Variants in NDUFAF4 observed in about 807,000 individuals in gnomAD.
NDUFAF4 encodes the protein NADH dehydrogenase [ubiquinone] 1 alpha subcomplex assembly factor 4.
A neutral mutation model predicts 15.6 loss-of-function variants in NDUFAF4; 10 were observed. That is an observed-to-expected ratio of 0.64 (90% CI 0.40 to 1.09). The LOEUF (loss-of-function observed/expected upper bound fraction) is 1.09, where lower values mean the gene tolerates loss of function less well. NDUFAF4 is among the 50% of genes least tolerant of loss of function. NDUFAF4 has a pLI of 0.01. For synonymous variants in NDUFAF4, 77 were observed against 73.3 expected (o/e 1.05, Z -0.26); for missense variants, 203 against 207.3 (o/e 0.98, Z 0.13).
At chr6:96,894,622 G>A (rs1775350212) in intron 2 of NDUFAF4, among the ~76,000 whole-genome samples, 1 of 152,080 alleles carries the variant, frequency 6.6e-6, no homozygotes, top group Non-Finnish European at 1.5e-5. Flanking sequence ...TCAGTACTAC[G>A]CTCAGTTTCA....
intron 2 of NDUFAF4, among the ~76,000 whole-genome samples, chr6:96,892,740 T>C (rs557049058): frequency 1.3e-5 from 2 of 151,988 alleles, no homozygotes; most frequent in African/African-American, 4.8e-5. Flanking sequence ...TCCTTCGGGG[T>C]TTTATTCATG....
In NDUFAF4 at chr6:96,894,264, C is replaced by A. The variant is rs192626983; in HGVS notation, c.240+2480G>T. ...GTCCAGTGTATCCATGCTGTACAGGCTACCTGCCTGTTAGTCACTTAGTAG... is the reference window on the plus strand; with the variant it reads ...GTCCAGTGTATCCATGCTGTACAGGATACCTGCCTGTTAGTCACTTAGTAG... On this transcript the variant is annotated intron_variant, in intron 2 of 2. Coordinates refer to ENST00000316149, the MANE Select transcript of NDUFAF4 (RefSeq NM_014165.4). 4.8e-4 allele frequency among the ~76,000 whole-genome samples: 73 copies of A among 152,306 alleles called. No homozygotes were observed. The East Asian group carries it at 0.013, about 26-fold the overall frequency.
At chr6:96,895,587 A>AT (rs557579764) in intron 2 of NDUFAF4, among the ~76,000 whole-genome samples, 2 of 151,410 alleles carry the variant, frequency 1.3e-5, no homozygotes, top group Non-Finnish European at 2.9e-5. Flanking sequence ...CAAAGCATTA[A>AT]TTTTTTTTTG....
intron 2 of NDUFAF4, among the ~76,000 whole-genome samples, chr6:96,893,741 C>G (rs1241492930): frequency 6.6e-6 from 1 of 150,668 alleles, no homozygotes; most frequent in African/African-American, 2.4e-5. Flanking sequence ...AAAAAAAAAC[C>G]CTTAGGAAAT....
At chr6:96,897,054 C>T (rs538243636) in intron 1 of NDUFAF4, 42 of 512,520 alleles carry the variant, frequency 8.2e-5, no homozygotes, top group African/African-American at 6.8e-4. Context: ...AGCCTCCCGA[C>T]AAGCTGAGGC....
At chr6:96,891,982 A>G (rs1385157323) in intron 2 of NDUFAF4, among the ~76,000 whole-genome samples, 1 of 152,130 alleles carries the variant, frequency 6.6e-6, no homozygotes, top group African/African-American at 2.4e-5. Context: ...CTCTATCATT[A>G]AGAAATGTAG....
Position 96,891,256 on chromosome 6 carries a change from G to C in NDUFAF4, c.376C>G (p.His126Asp). 2 of 1,613,794 alleles carry C rather than the reference G, an allele frequency of 1.2e-6. No individual in the cohort carries two copies. The highest frequency in any genetic ancestry group is 1.3e-5 in the African/African-American group (1 of 75,016). Residue 126 changes from histidine (H) to aspartate (D), a missense_variant, in exon 3 of 3, where the codon CAT (histidine) becomes GAT (aspartate). Physicochemically the swap from His to Asp is moderately conservative, Grantham distance 81. Transcript: ENST00000316149. ...GTCCAGGTTTCTGGGAAAAGCTTAT[G>C]ATTATTGAGAAGTGTCAATGCTTCT... Reference protein sequence around the residue: ...IVEALTLLNNHKLFPETWTAE... With the variant: ...IVEALTLLNNDKLFPETWTAE...
chr6:96,897,184 C>G (rs906752267), intron 1 of NDUFAF4, among the ~76,000 whole-genome samples: 1 of 152,184 alleles, frequency 6.6e-6, no homozygotes, highest in Non-Finnish European at 1.5e-5. Flanking sequence ...CTCGGCCTCC[C>G]AAAGTGCTGA....
In NDUFAF4 at chr6:96,890,566, G is replaced by T. The variant is rs1396659512; in HGVS notation, c.*538C>A. ...AAATCCTCAATACTTCTTATTCCCT[G>T]GAGTAGTAATTTTAATTAGATTCTA... On this transcript the variant is annotated 3_prime_UTR_variant, in exon 3 of 3. Coordinates refer to ENST00000316149, the MANE Select transcript of NDUFAF4 (RefSeq NM_014165.4). 1 of 152,870 alleles carries T rather than the reference G, an allele frequency of 6.5e-6. No individual in the cohort carries two copies. The highest frequency in any genetic ancestry group is 2.4e-5 in the African/African-American group (1 of 41,418). The allele number at this position is 152,870 out of a possible 1,614,324, so 9.5% of individuals were successfully genotyped here. A position where few individuals can be genotyped will look rare whatever the true frequency, so the allele number is the denominator to read the frequency against.
chr6:96,896,649 C>A (rs1775377533), intron 2 of NDUFAF4, 95 bp downstream of exon 2: 2 of 1,007,744 alleles, frequency 2.0e-6, no homozygotes, highest in Admixed American at 3.4e-5. Context: ...CACACACTTG[C>A]AGAGCACTCT....
chr6:96,897,592 A>C, intron 1 of NDUFAF4, 74 bp downstream of exon 1: 1 of 1,597,816 alleles, frequency 6.3e-7, no homozygotes, highest in Non-Finnish European at 8.5e-7. Context: ...CGGCCTCCGG[A>C]CCCACGCTAG....
In NDUFAF4 at chr6:96,891,352, T is replaced by G. The variant is rs75650763; in HGVS notation, c.280A>C (p.Arg94=). 5,219 of 1,613,462 alleles carry G rather than the reference T, an allele frequency of 3.2e-3. 161 individuals are homozygous for G. The African/African-American group carries it at 0.063, about 19-fold the overall frequency. ...TCAAAATGATGGTCTTTCGGCAATC[T>G]GAATTCCTTCGGCTCTTGACATGTT... The part of the protein sequence containing the change: ...AETCQEPKEF[R]LPKDHHFDMI... Residue 94 remains arginine, a synonymous_variant, in exon 3 of 3, where the codon AGA becomes CGA. Coordinates refer to ENST00000316149, the MANE Select transcript of NDUFAF4 (RefSeq NM_014165.4).
In NDUFAF4 at chr6:96,897,812, C is replaced by T. The variant is rs571796525; in HGVS notation, c.-11G>A. 23 of 1,614,100 alleles carry T rather than the reference C, an allele frequency of 1.4e-5. No individual in the cohort carries two copies. In the African/African-American group the frequency reaches 2.5e-4, roughly 18 times the overall value. On this transcript the variant is annotated 5_prime_UTR_variant, in exon 1 of 3. The change abolishes an upstream ATG in the 5' untranslated region. Coordinates refer to ENST00000316149, the MANE Select transcript of NDUFAF4 (RefSeq NM_014165.4). ...CACTAGTGCTCCCATCTCCTCATAA[C>T]ATTATGCGCTCAGGTTCAGGCCGCA...
In NDUFAF4 at chr6:96,896,778, T is replaced by C. The variant is rs1162909151; in HGVS notation, c.206A>G (p.Tyr69Cys). 7 of 1,613,472 alleles carry C rather than the reference T, an allele frequency of 4.3e-6. No individual in the cohort carries two copies. The highest frequency in any genetic ancestry group is 2.2e-5 in the South Asian group (2 of 91,074). The stretch of plus-strand genomic sequence containing the variant: ...AGACACAGGATCTTTGGAATCAACA[T>C]ACACATCTTTTAGAAACGACAGCAG... ...EKLLSFLKDVYVDSKDPVSSL... is the reference protein window; with the variant it reads ...EKLLSFLKDVCVDSKDPVSSL... Residue 69 changes from tyrosine (Y) to cysteine (C), a missense_variant, in exon 2 of 3, where the codon TAT becomes TGT. Tyr to Cys is a radical substitution (Grantham distance 194). Transcript: ENST00000316149.
intron 2 of NDUFAF4, among the ~76,000 whole-genome samples, chr6:96,894,256 T>C (rs1055908985): frequency 6.6e-6 from 1 of 152,218 alleles, no homozygotes; most frequent in Non-Finnish European, 1.5e-5. Flanking sequence ...GTATCCATGC[T>C]GTACAGGCTA....
chr6:96,891,105 C>T lies in NDUFAF4; in HGVS notation c.527G>A (p.Ter176=), dbSNP rs749143337. 2 of 1,611,896 alleles carry T rather than the reference C, an allele frequency of 1.2e-6. No individual in the cohort carries two copies. The highest frequency in any genetic ancestry group is 1.3e-5 in the African/African-American group (1 of 74,854). Residue 176 remains the stop codon, a stop_retained_variant, in exon 3 of 3, where the codon TGA becomes TAA. Coordinates refer to ENST00000316149, the MANE Select transcript of NDUFAF4 (RefSeq NM_014165.4). ...PEDKKAIRSK[*] is the part of the protein sequence containing the mutation. ...CATAGGAAATTTCTGTGATTTTCTT[C>T]ATTTTGATCGTATTGCTTTCTTGTC...
chr6:96,889,471 CTTAT>C lies in NDUFAF4; in HGVS notation c.*1629_*1632del, dbSNP rs1468345020. 1 of 152,134 alleles carries C rather than the reference CTTAT, an allele frequency of 6.6e-6. No homozygotes were observed. Among genetic ancestry groups the C allele is most frequent in the Non-Finnish European group, 1.5e-5 (1 of 68,016 alleles). The allele number at this position is 152,134 out of a possible 1,614,324, so 9.4% of individuals were successfully genotyped here. On this transcript the variant is annotated 3_prime_UTR_variant, in exon 3 of 3. Coordinates refer to ENST00000316149, the MANE Select transcript of NDUFAF4 (RefSeq NM_014165.4). ...TATGATAAAAAGAATAAAGTTTTGA[CTTAT>C]TTACAGTTTTAAAATGCATTTTATA... is the stretch of plus-strand genomic sequence containing the variant.
At chr6:96,894,238 T>G (rs937392074) in intron 2 of NDUFAF4, among the ~76,000 whole-genome samples, 1 of 152,202 alleles carries the variant, frequency 6.6e-6, no homozygotes, top group African/African-American at 2.4e-5. Context: ...ATCCTCCCTT[T>G]GTCCAGTGTA....
At chr6:96,897,075 C>G (rs1311333355) in intron 1 of NDUFAF4, among the ~76,000 whole-genome samples, 1 of 152,062 alleles carries the variant, frequency 6.6e-6, no homozygotes, top group East Asian at 1.9e-4. Flanking sequence ...TACAGGCGCG[C>G]CACCACGCCC....
Sources: allele counts gnomAD v4.1 joint callset (sites outside exome capture counted in the v4.1 genomes callset), GRCh38; gene constraint gnomAD v4.1.1; transcripts MANE v1.5; gene names NCBI Gene and HGNC (gene_info 2026-07-23, HGNC 2026-07-21).